TSPEAR: variants seen among roughly 807,000 people sequenced by gnomAD.
TSPEAR encodes thrombospondin type laminin G domain and EAR repeats.
A neutral mutation model predicts 71.6 loss-of-function variants in TSPEAR; 69 were observed. The ratio of observed to expected loss-of-function variants is 0.96; its 90% CI spans 0.79 to 1.18. TSPEAR has a LOEUF of 1.18. Ranked by LOEUF, TSPEAR falls within the 50% of genes most tolerant of loss-of-function variation. The pLI, the probability that TSPEAR is intolerant of heterozygous loss-of-function variation, is 0.00. For synonymous variants in TSPEAR, 402 were observed against 387.2 expected (o/e 1.04, Z -0.45); for missense variants, 971 against 894.9 (o/e 1.09, Z -1.09).
rs190161057 is a variant in TSPEAR at position 44,551,476 on chromosome 21, G to A, written c.303+16309C>T. On this transcript the variant is annotated intron_variant, in intron 2 of 11. Transcript: ENST00000323084. ...GCGGCCATGCTGGAGTGGGGAGGAG[G>A]TGAGCTGGGGGAGGTGTGTGAGTGA... 2.2e-4 allele frequency: 346 copies of A among 1,580,036 alleles called. 2 individuals are homozygous for A. In the East Asian group the frequency reaches 3.3e-3, roughly 15 times the overall value.
rs587723129 is a variant in TSPEAR, at chr21:44,579,676, G to A, written c.83-11671C>T. On this transcript the variant is annotated intron_variant, in intron 1 of 11. Transcript: ENST00000323084. The stretch of plus-strand genomic sequence containing the variant: ...AGCACATGGGGGCCCCGTCCCAAGC[G>A]GGGGCAACCTCCTAACCCGAGTCAG... The A allele has an allele frequency of 1.5e-3, 2,329 of 1,517,502 alleles. 6 individuals are homozygous for A. The highest frequency in any genetic ancestry group is 1.9e-3 in the Non-Finnish European group (2,157 of 1,132,780). The allele number at this position is 1,517,502 out of a possible 1,614,324, so 94.0% of individuals were successfully genotyped here. A position where few individuals can be genotyped will look rare whatever the true frequency, so the allele number is the denominator to read the frequency against.
rs782380522 is a variant in TSPEAR at position 44,627,216 on chromosome 21, C to G, written c.83-59211G>C. ...CCATCCGCTCCAGCGCTTACTCCGA[C>G]TCCTGGCAGGTGGACGACTGCCCAG... On this transcript the variant is annotated intron_variant, in intron 1 of 11. Transcript: ENST00000323084. 6.2e-6 allele frequency: 10 copies of G among 1,612,912 alleles called. No individual in the cohort carries two copies. The East Asian group carries it at 2.0e-4, about 32-fold the overall frequency.
At chr21:44,624,994 C>T (rs782161987) in intron 1 of TSPEAR, among the ~76,000 whole-genome samples, 1 of 152,164 alleles carries the variant, frequency 6.6e-6, no homozygotes, top group Non-Finnish European at 1.5e-5. Flanking sequence ...CTGATGTCAG[C>T]CAATTCCCCA....
At chr21:44,688,497 G>A (rs1281171382) in intron 1 of TSPEAR, among the ~76,000 whole-genome samples, 8 of 152,192 alleles carry the variant, frequency 5.3e-5, no homozygotes, top group African/African-American at 1.9e-4. Flanking sequence ...GAGGAGGGCA[G>A]ATCATGAGGT....
At chr21:44,709,480 G>A (rs577853573) in intron 1 of TSPEAR, among the ~76,000 whole-genome samples, 56 of 152,378 alleles carry the variant, frequency 3.7e-4, no homozygotes, top group Non-Finnish European at 4.7e-4. Context: ...TAGAAAGCGA[G>A]AGACGAGAGG....
chr21:44,576,185 G>A (rs1046145594), intron 1 of TSPEAR, among the ~76,000 whole-genome samples: 7 of 152,382 alleles, frequency 4.6e-5, no homozygotes, highest in Admixed American at 6.5e-5. Flanking sequence ...CGGGAACTCA[G>A]CCGCAGTGGA....
At chr21:44,525,879 G>A (rs781860873) in intron 7 of TSPEAR, 40 bp from the exon 8 acceptor site, 1 of 1,602,274 alleles carries the variant, frequency 6.2e-7, no homozygotes, top group Non-Finnish European at 8.5e-7. Context: ...TTCTGCTTGG[G>A]TCGGTGCCAG....
chr21:44,579,929 G>A (rs1555924692), intron 1 of TSPEAR: 1 of 1,614,086 alleles, frequency 6.2e-7, no homozygotes, highest in Admixed American at 1.7e-5. Context: ...GGAGGAGGAG[G>A]GTCTGCAGCA....
Position 44,504,806 on chromosome 21 carries a change from G to T in TSPEAR, c.1830C>A (p.Thr610=), listed in dbSNP as rs200815842. 3.7e-6 allele frequency: 6 copies of T among 1,613,646 alleles called. No individual in the cohort carries two copies. The African/African-American group carries it at 8.0e-5, about 22-fold the overall frequency. The change falls in exon 11 of 12, where the codon ACC becomes ACA. Residue 610 remains threonine, a synonymous_variant. Transcript: ENST00000323084. ...TGTAAATAATACTGTTCACCGAGAA[G>T]GTACGCCCATCGAAGGAGTTGGCCA... ...LVVANSFDGR[T]FSVNSIIYRW... is the part of the protein sequence containing the mutation.
intron 1 of TSPEAR, among the ~76,000 whole-genome samples, chr21:44,655,981 G>A (rs1411649388): frequency 1.3e-5 from 2 of 152,184 alleles, no homozygotes; most frequent in Non-Finnish European, 2.9e-5. Context: ...TGGGGTCTCA[G>A]AGCTGTGGAC....
At chr21:44,669,153 G>A (rs1466518143) in intron 1 of TSPEAR, among the ~76,000 whole-genome samples, 1 of 152,174 alleles carries the variant, frequency 6.6e-6, no homozygotes, top group African/African-American at 2.4e-5. Flanking sequence ...ATCAAACTCA[G>A]GTGGCTCACG....
Position 44,646,548 on chromosome 21 carries a change from CT to C in TSPEAR, c.82+64884del, listed in dbSNP as rs1984385587. The C allele has an allele frequency of 8.7e-6, 14 of 1,612,614 alleles. No individual in the cohort carries two copies. In the East Asian group the frequency reaches 2.9e-4, roughly 33 times the overall value. On this transcript the variant is annotated intron_variant, in intron 1 of 11. Transcript: ENST00000323084. The stretch of plus-strand genomic sequence containing the variant: ...GCCCAGAGAGCTGCTGTGAGCCCCC[CT>C]GCAGCGCCCCCAGCTGCTGCGCCCC...
At chr21:44,582,084 A>C (rs1250854793) in intron 1 of TSPEAR, among the ~76,000 whole-genome samples, 2 of 152,204 alleles carry the variant, frequency 1.3e-5, no homozygotes, top group African/African-American at 2.4e-5. Flanking sequence ...TCTGGGACTG[A>C]AGGACTCGAT....
intron 5 of TSPEAR, among the ~76,000 whole-genome samples, 186 bp downstream of exon 5, chr21:44,529,612 G>A (rs951028372): frequency 1.2e-4 from 19 of 152,202 alleles, no homozygotes; most frequent in Admixed American, 9.8e-4. Context: ...TGATGGTGCC[G>A]CCTGCCTTCC....
intron 1 of TSPEAR, among the ~76,000 whole-genome samples, chr21:44,568,916 C>G (rs782220082): frequency 2.4e-4 from 37 of 152,200 alleles, no homozygotes; most frequent in Non-Finnish European, 4.4e-4. Context: ...GGTTCATCTT[C>G]CCCCACGTGC....
chr21:44,631,916 G>C (rs1301171935), intron 1 of TSPEAR, among the ~76,000 whole-genome samples: 2 of 152,154 alleles, frequency 1.3e-5, no homozygotes, highest in East Asian at 1.9e-4. Flanking sequence ...AGGTGCCTGG[G>C]GGGAGGAGGA....
chr21:44,525,216 C>T (rs1012602762), intron 8 of TSPEAR, among the ~76,000 whole-genome samples: 3 of 150,606 alleles, frequency 2.0e-5, no homozygotes, highest in South Asian at 2.1e-4. Context: ...TCATTCAGGT[C>T]GTCAATCAGT....
At chr21:44,549,250 G>C (rs74614683) in intron 2 of TSPEAR, among the ~76,000 whole-genome samples, 1 of 152,082 alleles carries the variant, frequency 6.6e-6, no homozygotes. Flanking sequence ...ATGCCTGGGC[G>C]TGTAGGAAAA....
At chr21:44,679,535 T>C (rs1392333688) in intron 1 of TSPEAR, among the ~76,000 whole-genome samples, 1 of 152,088 alleles carries the variant, frequency 6.6e-6, no homozygotes, top group African/African-American at 2.4e-5. Context: ...TTCACAGAAG[T>C]AGAAAAAACA....
Sources: gnomAD v4.1 joint callset for allele counts (sites outside exome capture counted in the v4.1 genomes callset) on GRCh38, gnomAD v4.1.1 for gene constraint, MANE v1.5 for transcripts, NCBI Gene and HGNC (gene_info 2026-07-23, HGNC 2026-07-21) for gene names.